Variants in CELSR1 observed in about 807,000 individuals in gnomAD.
CELSR1 encodes the protein cadherin EGF LAG seven-pass G-type receptor 1, also known as adhesion G protein-coupled receptor C1.
In CELSR1, 110 loss-of-function variants were observed where a neutral mutation model predicts 249.1. That is an observed-to-expected ratio of 0.44 (90% CI 0.38 to 0.52). The LOEUF (loss-of-function observed/expected upper bound fraction) is 0.52. CELSR1 is among the 20% of genes least tolerant of loss of function. The probability of loss-of-function intolerance (pLI) is 0.00; values close to 1 mark genes in which losing one functional copy is unlikely to be tolerated. For missense variants in CELSR1, 4,109 were observed against 4,296.4 expected (o/e 0.96, Z 1.22); for synonymous variants, 2,113 against 1,900.0 (o/e 1.11, Z -2.92).
rs1010633289 is a variant in CELSR1, at chr22:46,407,660, A to C, written c.5226+1336T>G. Among the ~76,000 whole-genome samples the C allele has an allele frequency of 1.3e-5, 2 of 152,000 alleles. No individual in the cohort carries two copies. Among genetic ancestry groups the C allele is most frequent in the East Asian group, 1.9e-4 (1 of 5,180 alleles). On this transcript the variant is annotated intron_variant, in intron 9 of 34. Transcript: ENST00000674500. This position sits in a 1 kb window ranked among gnomAD's most constrained non-coding sequence, Gnocchi z 4.8. The stretch of plus-strand genomic sequence containing the variant: ...AAAAACAAAACAAAACAAAACAAAA[A>C]AAACCTAGGATGAAGGAAGGAATAA...
At chr22:46,453,372 G>A (rs963313119) in intron 2 of CELSR1, among the ~76,000 whole-genome samples, 3 of 152,162 alleles carry the variant, frequency 2.0e-5, no homozygotes, top group African/African-American at 4.8e-5. Flanking sequence ...ACACCAGTGC[G>A]GGCCAGGACA....
rs2078717165 is a variant in CELSR1 at position 46,362,609 on chromosome 22, G to A, written c.*614C>T. On this transcript the variant is annotated 3_prime_UTR_variant, in exon 35 of 35. Coordinates refer to ENST00000674500, the MANE Select transcript of CELSR1 (RefSeq NM_001378328.1). The stretch of plus-strand genomic sequence containing the variant: ...CTGTGCAATCTTGACAGAGAAGACA[G>A]CAAGAGATCATTGCATGGATCTCTC... The A allele has an allele frequency of 6.5e-6, 1 of 153,038 alleles. No homozygotes were observed. The highest frequency in any genetic ancestry group is 1.5e-5 in the Non-Finnish European group (1 of 68,398). The allele number at this position is 153,038 out of a possible 1,614,324, so 9.5% of individuals were successfully genotyped here.
rs2079178446 is a variant in CELSR1, at chr22:46,398,675, TCCA to T, written c.5413-41_5413-39del. ...AGGGGCCGGGGATCTGGGGGCTGCATCCACCATCCTAGAAACGTCTCTCAGATG... is the reference window on the plus strand; with the variant it reads ...AGGGGCCGGGGATCTGGGGGCTGCATCCATCCTAGAAACGTCTCTCAGATG... On this transcript the variant is annotated intron_variant, in intron 10 of 34. Transcript: ENST00000674500. This position sits in a 1 kb window ranked among gnomAD's most constrained non-coding sequence, Gnocchi z 7.2. 1 of 1,515,854 alleles carries T rather than the reference TCCA, an allele frequency of 6.6e-7. No homozygotes were observed. The highest frequency in any genetic ancestry group is 1.4e-5 in the African/African-American group (1 of 71,990). 93.9% of individuals were successfully genotyped at this position (1,515,854 alleles called of 1,614,324 possible).
At chr22:46,494,885 T>C (rs1240694464) in intron 1 of CELSR1, among the ~76,000 whole-genome samples, 4 of 152,238 alleles carry the variant, frequency 2.6e-5, no homozygotes, top group Non-Finnish European at 5.9e-5. Flanking sequence ...TATCTTTTTA[T>C]ACTATTGTAG....
At chr22:46,519,076 G>A (rs190490323) in intron 1 of CELSR1, among the ~76,000 whole-genome samples, 6 of 151,872 alleles carry the variant, frequency 4.0e-5, no homozygotes, top group South Asian at 2.1e-4. Flanking sequence ...ATACTGCCAC[G>A]TGCTGCGCTG....
At chr22:46,532,737 T>C (rs1602249440) in intron 1 of CELSR1, among the ~76,000 whole-genome samples, 1 of 152,316 alleles carries the variant, frequency 6.6e-6, no homozygotes, top group East Asian at 1.9e-4. Flanking sequence ...AAAGAGCCAC[T>C]GGGGGACCTT....
intron 1 of CELSR1, among the ~76,000 whole-genome samples, chr22:46,529,081 C>T (rs1479733410): frequency 7.3e-5 from 11 of 151,720 alleles, no homozygotes; most frequent in South Asian, 2.1e-4. Flanking sequence ...TTGGCTAACA[C>T]GGTGAAACCC....
chr22:46,410,280 T>C lies in CELSR1; in HGVS notation c.4933+118A>G. Reference sequence around the variant, plus strand: ...CAGGAGCTGCCCACCGCTGGACACATACATTTCTAAGAAAAACACGGCTCC... The same window carrying C: ...CAGGAGCTGCCCACCGCTGGACACACACATTTCTAAGAAAAACACGGCTCC... On this transcript the variant is annotated intron_variant, in intron 7 of 34. Transcript: ENST00000674500. The surrounding 1 kb of genome is among the most constrained non-coding windows in gnomAD (Gnocchi z 6.8). The C allele has an allele frequency of 1.5e-6, 2 of 1,316,802 alleles. No individual in the cohort carries two copies. The highest frequency in any genetic ancestry group is 2.1e-6 in the Non-Finnish European group (2 of 942,298). The allele number at this position is 1,316,802 out of a possible 1,614,324, so 81.6% of individuals were successfully genotyped here.
At chr22:46,470,219 ATG>A (rs2080142439) in intron 1 of CELSR1, among the ~76,000 whole-genome samples, 1 of 151,234 alleles carries the variant, frequency 6.6e-6, no homozygotes, top group East Asian at 2.0e-4. Flanking sequence ...CCACACATGG[ATG>A]TGTTTGTTCT....
At position 46,427,275 on chromosome 22, in the gene CELSR1, C is replaced by T. The variant is rs2079547359; in HGVS notation, c.4611+6118G>A. Among the ~76,000 whole-genome samples the T allele has an allele frequency of 6.6e-6, 1 of 152,162 alleles. No individual in the cohort carries two copies. Among genetic ancestry groups the T allele is most frequent in the Non-Finnish European group, 1.5e-5 (1 of 68,026 alleles). On this transcript the variant is annotated intron_variant, in intron 5 of 34. Transcript: ENST00000674500. The surrounding 1 kb of genome is among the most constrained non-coding windows in gnomAD (Gnocchi z 4.2). ...GCTCGGCCAGGTGCAGTGGCTTATG[C>T]CTGTAATCCTAACTGTTTGGGAGGC...
rs182240220 is a variant in CELSR1 at position 46,390,101 on chromosome 22, A to T, written c.6345+291T>A. Among the ~76,000 whole-genome samples, 33 of 152,372 alleles carry T rather than the reference A, an allele frequency of 2.2e-4. 1 individual carries two copies. The highest frequency in any genetic ancestry group is 3.4e-3 in the Middle Eastern group (1 of 294). ...AAAAGCCATGAAATAGGGCAGGATC[A>T]GAGGGCAAATGGAGTCAAATGCAGG... On this transcript the variant is annotated intron_variant, in intron 17 of 34. Coordinates refer to ENST00000674500, the MANE Select transcript of CELSR1 (RefSeq NM_001378328.1). The surrounding 1 kb of genome is among the most constrained non-coding windows in gnomAD (Gnocchi z 6.3).
rs2078972487 is a variant in CELSR1 at position 46,381,004 on chromosome 22, C to T, written c.7089-49G>A. On this transcript the variant is annotated intron_variant, in intron 21 of 34. Coordinates refer to ENST00000674500, the MANE Select transcript of CELSR1 (RefSeq NM_001378328.1). The surrounding 1 kb of genome is among the most constrained non-coding windows in gnomAD (Gnocchi z 6.0). ...GGGGACAAACACGGTGAGGAAACAT[C>T]TGCTTAAATCCCGCGCACAAATGCC... is the stretch of plus-strand genomic sequence containing the variant. 1 of 1,583,068 alleles carries T rather than the reference C, an allele frequency of 6.3e-7. No individual in the cohort carries two copies. Among genetic ancestry groups the T allele is most frequent in the Non-Finnish European group, 8.6e-7 (1 of 1,157,396 alleles).
rs1420964701 is a variant in CELSR1, at chr22:46,390,127, G to A, written c.6345+265C>T. ...GAGGGCAAATGGAGTCAAATGCAGG[G>A]ACCCCGTGTTTTCAGAACCAAAGAC... On this transcript the variant is annotated intron_variant, in intron 17 of 34. Transcript: ENST00000674500. The surrounding 1 kb of genome is among the most constrained non-coding windows in gnomAD (Gnocchi z 6.3). 6.6e-6 allele frequency among the ~76,000 whole-genome samples: 1 copy of A among 152,186 alleles called. No individual in the cohort carries two copies. The highest frequency in any genetic ancestry group is 1.9e-4 in the East Asian group (1 of 5,190).
At chr22:46,438,014 G>C (rs1179969405) in intron 3 of CELSR1, among the ~76,000 whole-genome samples, 1 of 152,192 alleles carries the variant, frequency 6.6e-6, no homozygotes, top group African/African-American at 2.4e-5. Context: ...GGACCCAGGT[G>C]GGGGCTGGTG....
At chr22:46,449,328 T>C (rs1272061187) in intron 2 of CELSR1, among the ~76,000 whole-genome samples, 2 of 128,534 alleles carry the variant, frequency 1.6e-5, no homozygotes, top group Non-Finnish European at 3.2e-5. Flanking sequence ...CATCCATCCA[T>C]CCAACCACAT....
At chr22:46,497,281 C>A (rs763510762) in intron 1 of CELSR1, among the ~76,000 whole-genome samples, 1 of 152,194 alleles carries the variant, frequency 6.6e-6, no homozygotes, top group Non-Finnish European at 1.5e-5. Context: ...TTTCTTTATA[C>A]GTAACTTTAT....
rs180920536 is a variant in CELSR1, at chr22:46,416,759, C to T, written c.4612-5000G>A. 1.0e-3 allele frequency among the ~76,000 whole-genome samples: 155 copies of T among 152,286 alleles called. 2 individuals are homozygous for T. The highest frequency in any genetic ancestry group is 2.5e-4 in the Non-Finnish European group (17 of 68,030). On this transcript the variant is annotated intron_variant, in intron 5 of 34. Coordinates refer to ENST00000674500, the MANE Select transcript of CELSR1 (RefSeq NM_001378328.1). ...GGTCCAGCCTCTTCTTATTTTCCTT[C>T]GAGGTATTTTCTTCCCTGCGTGCAG...
chr22:46,469,946 G>C (rs1158981992), intron 1 of CELSR1, among the ~76,000 whole-genome samples: 1 of 66,010 alleles, frequency 1.5e-5, no homozygotes, highest in East Asian at 4.7e-4. Context: ...GAAGCCACTG[G>C]ATAAACATTT....
chr22:46,469,071 G>A (rs1685715579), intron 1 of CELSR1, among the ~76,000 whole-genome samples: 1 of 152,078 alleles, frequency 6.6e-6, no homozygotes, highest in African/African-American at 2.4e-5. Flanking sequence ...GAGAGGCTCT[G>A]TCTCCCCTTA....
Sources: gnomAD v4.1 joint callset for allele counts (sites outside exome capture counted in the v4.1 genomes callset) on GRCh38, gnomAD v4.1.1 for gene constraint, Gnocchi (gnomAD v3.1) non-coding constraint, MANE v1.5 for transcripts, NCBI Gene and HGNC (gene_info 2026-07-23, HGNC 2026-07-21) for gene names.